RAP1GAP2: variants seen among roughly 807,000 people sequenced by gnomAD.
RAP1GAP2 encodes RAP1 GTPase activating protein 2.
A neutral mutation model predicts 95.0 loss-of-function variants in RAP1GAP2; 27 were observed. The observed-to-expected ratio is 0.28, with a 90% CI of 0.21 to 0.39. The LOEUF (loss-of-function observed/expected upper bound fraction) is 0.39, where lower values mean the gene tolerates loss of function less well. Ranked by LOEUF, RAP1GAP2 falls within the 10% of genes least tolerant of loss-of-function variation. RAP1GAP2 has a pLI of 1.00. For synonymous variants in RAP1GAP2, 373 were observed against 380.9 expected (o/e 0.98, Z 0.24); for missense variants, 771 against 970.0 (o/e 0.79, Z 2.72).
At chr17:2,915,506 A>G (rs988624775) in intron 3 of RAP1GAP2, among the ~76,000 whole-genome samples, 3 of 152,184 alleles carry the variant, frequency 2.0e-5, no homozygotes, top group African/African-American at 7.2e-5. Context: ...AAGTGCTGGT[A>G]TTACAGGCGT....
Position 2,940,991 on chromosome 17 carries a change from C to G in RAP1GAP2, c.166-16768C>G, listed in dbSNP as rs946946749. Among the ~76,000 whole-genome samples, 9 of 152,236 alleles carry G rather than the reference C, an allele frequency of 5.9e-5. No individual in the cohort carries two copies. The East Asian group carries it at 1.7e-3, about 29-fold the overall frequency. On this transcript the variant is annotated intron_variant, in intron 3 of 24. Transcript: ENST00000254695. ...GGGCTCCAGGATGCTGTGGGGGGAC[C>G]GGGGACCTTGTGACCAGCCAGAAAC...
intron 2 of RAP1GAP2, among the ~76,000 whole-genome samples, chr17:2,811,034 C>T (rs1347669159): frequency 6.6e-6 from 1 of 152,086 alleles, no homozygotes; most frequent in Non-Finnish European, 1.5e-5. Flanking sequence ...TGACCCTTGG[C>T]CCGCACGTCC....
intron 4 of RAP1GAP2, among the ~76,000 whole-genome samples, chr17:2,958,497 C>T (rs953057237): frequency 1.3e-5 from 2 of 152,038 alleles, no homozygotes; most frequent in African/African-American, 4.8e-5. Context: ...GATAATACAC[C>T]TGTAGCTCAA....
chr17:2,940,594 C>CA (rs1465162112), intron 3 of RAP1GAP2, among the ~76,000 whole-genome samples: 1 of 152,204 alleles, frequency 6.6e-6, no homozygotes, highest in East Asian at 1.9e-4. Flanking sequence ...CACGGAGCCT[C>CA]AGAGTGTGGT....
intron 3 of RAP1GAP2, among the ~76,000 whole-genome samples, chr17:2,910,047 C>G (rs1235455625): frequency 6.6e-6 from 1 of 152,242 alleles, no homozygotes; most frequent in Non-Finnish European, 1.5e-5. Flanking sequence ...CCTCACCTTA[C>G]ACCAGCCTGC....
intron 2 of RAP1GAP2, among the ~76,000 whole-genome samples, chr17:2,837,591 G>C (rs568529747): frequency 6.3e-4 from 94 of 148,784 alleles, no homozygotes; most frequent in Non-Finnish European, 1.1e-3. Context: ...TCTGTGTCAG[G>C]GTGTCAGCCC....
Position 2,866,662 on chromosome 17 carries a change from C to T in RAP1GAP2, c.81-38622C>T, listed in dbSNP as rs567233516. 1.7e-3 allele frequency among the ~76,000 whole-genome samples: 266 copies of T among 152,172 alleles called. No individual in the cohort carries two copies. The highest frequency in any genetic ancestry group is 5.8e-3 in the African/African-American group (240 of 41,496). ...GTCGCCAGGCTGGAGTGCAGTGGTG[C>T]GATCTCGGCTCACTGCAGCCTCCGC... On this transcript the variant is annotated intron_variant, in intron 2 of 24. Transcript: ENST00000254695. The surrounding 1 kb of genome is among the most constrained non-coding windows in gnomAD (Gnocchi z 4.0).
At chr17:2,813,995 A>G (rs957053854) in intron 2 of RAP1GAP2, among the ~76,000 whole-genome samples, 2 of 152,002 alleles carry the variant, frequency 1.3e-5, no homozygotes, top group Non-Finnish European at 2.9e-5. Flanking sequence ...AAAAAAGAAA[A>G]TGTCTCCAGA....
chr17:2,786,839 G>A (rs1394080119), intron 1 of RAP1GAP2, among the ~76,000 whole-genome samples: 1 of 151,234 alleles, frequency 6.6e-6, no homozygotes, highest in African/African-American at 2.4e-5. Context: ...TAGAGACGGG[G>A]TTTCACCATC....
chr17:2,850,565 G>A (rs1193717700), intron 2 of RAP1GAP2, among the ~76,000 whole-genome samples: 6 of 150,066 alleles, frequency 4.0e-5, no homozygotes, highest in African/African-American at 7.3e-5. Flanking sequence ...TGGCTAACAC[G>A]GTGAAACCCC....
chr17:3,009,491 A>G (rs2151617269), intron 17 of RAP1GAP2, among the ~76,000 whole-genome samples: 1 of 152,340 alleles, frequency 6.6e-6, no homozygotes, highest in South Asian at 2.1e-4. Context: ...GAGCAGGTGG[A>G]GTTGAATCCA....
chr17:2,949,717 T>G (rs114484343), intron 3 of RAP1GAP2, among the ~76,000 whole-genome samples: 7,249 of 152,246 alleles, frequency 0.048, 552 homozygotes, highest in African/African-American at 0.16. Flanking sequence ...CTTGGCTGTA[T>G]GCAGCCATCT....
intron 2 of RAP1GAP2, among the ~76,000 whole-genome samples, chr17:2,887,759 A>C (rs538354334): frequency 6.9e-6 from 1 of 145,500 alleles, no homozygotes; most frequent in African/African-American, 2.6e-5. Context: ...ACTGCAACCT[A>C]TGCCTCCCGG....
chr17:2,865,079 G>A (rs188189824), intron 2 of RAP1GAP2, among the ~76,000 whole-genome samples: 153 of 152,246 alleles, frequency 1.0e-3, no homozygotes, highest in Admixed American at 2.4e-3. Context: ...CACCTAGCTC[G>A]TATAACAGAG....
At chr17:2,907,616 G>T (rs144242749) in intron 3 of RAP1GAP2, among the ~76,000 whole-genome samples, 2 of 152,236 alleles carry the variant, frequency 1.3e-5, no homozygotes, top group East Asian at 3.9e-4. Flanking sequence ...TTTTTGTTAG[G>T]AAATGATGTT....
intron 12 of RAP1GAP2, among the ~76,000 whole-genome samples, chr17:2,993,270 G>A (rs1245706107): frequency 6.7e-6 from 1 of 150,192 alleles, no homozygotes; most frequent in Non-Finnish European, 1.5e-5. Flanking sequence ...AAAGGTTTTG[G>A]GGGGATTAAA....
At chr17:2,851,610 G>T (rs1299856285) in intron 2 of RAP1GAP2, among the ~76,000 whole-genome samples, 1 of 152,142 alleles carries the variant, frequency 6.6e-6, no homozygotes, top group Admixed American at 6.6e-5. Context: ...ACGATTTTTT[G>T]GGGGACAGCC....
At chr17:2,899,044 T>C (rs2151716541) in intron 2 of RAP1GAP2, among the ~76,000 whole-genome samples, 1 of 148,112 alleles carries the variant, frequency 6.8e-6, no homozygotes, top group East Asian at 1.9e-4. Flanking sequence ...GTGGATTTCA[T>C]GGAACTGGAA....
chr17:2,865,640 C>T (rs538071651), intron 2 of RAP1GAP2, among the ~76,000 whole-genome samples: 6 of 152,192 alleles, frequency 3.9e-5, no homozygotes, highest in African/African-American at 9.6e-5. Context: ...CATCTGAAAA[C>T]GAGATCTGCA....
Sources: allele counts gnomAD v4.1 joint callset (sites outside exome capture counted in the v4.1 genomes callset), GRCh38; gene constraint gnomAD v4.1.1; non-coding constraint Gnocchi (gnomAD v3.1); transcripts MANE v1.5; gene names NCBI Gene and HGNC (gene_info 2026-07-23, HGNC 2026-07-21).